GPHN: variants seen among roughly 807,000 people sequenced by gnomAD.
The protein encoded by GPHN is gephyrin.
In GPHN, 17 loss-of-function variants were observed where a neutral mutation model predicts 95.5. The ratio of observed to expected loss-of-function variants is 0.18; its 90% CI spans 0.12 to 0.27. GPHN has a LOEUF of 0.27. GPHN is among the 10% of genes least tolerant of loss of function. The pLI is 1.00. For missense variants in GPHN, 660 were observed against 978.1 expected (o/e 0.67, Z 4.34); for synonymous variants, 320 against 322.5 (o/e 0.99, Z 0.08).
At chr14:66,908,317 A>T (rs1463698845) in intron 5 of GPHN, among the ~76,000 whole-genome samples, 2 of 151,964 alleles carry the variant, frequency 1.3e-5, no homozygotes, top group African/African-American at 4.8e-5. Context: ...GGTATATATT[A>T]AAGGGGCATA....
downstream of GPHN, among the ~76,000 whole-genome samples, chr14:67,185,583 T>C (rs1382561679): frequency 6.6e-6 from 1 of 152,248 alleles, no homozygotes; most frequent in African/African-American, 2.4e-5. Flanking sequence ...CATTTATAGC[T>C]GTGTAAAAAA....
At chr14:67,301,298 T>TA in the GPHN span, 1 of 603,872 alleles carries the variant, frequency 1.7e-6, no homozygotes, top group Admixed American at 3.3e-5. Context: ...TTTATTATTT[T>TA]AATTTGTACT....
the GPHN span, chr14:67,583,678 AG>A: frequency 7.7e-7 from 1 of 1,295,924 alleles, no homozygotes; most frequent in Middle Eastern, 1.9e-4. Context: ...ACCTCTCAAC[AG>A]CCCCCACCTG....
chr14:66,900,080 C>T (rs1351802814), intron 5 of GPHN, among the ~76,000 whole-genome samples: 1 of 151,878 alleles, frequency 6.6e-6, no homozygotes, highest in African/African-American at 2.4e-5. Flanking sequence ...GTTATTTTCT[C>T]GTCTTGAGAG....
At chr14:67,612,462 C>T in the GPHN span, among the ~76,000 whole-genome samples, 1 of 152,106 alleles carries the variant, frequency 6.6e-6, no homozygotes, top group Admixed American at 6.5e-5. Context: ...AAGGAGCTTC[C>T]GGTTCTGGTT....
chr14:66,940,744 AGGGC>A (rs1005654352), intron 8 of GPHN, among the ~76,000 whole-genome samples: 2 of 152,052 alleles, frequency 1.3e-5, no homozygotes, highest in African/African-American at 4.8e-5. Flanking sequence ...GTTCTTTCCT[AGGGC>A]GTTGACCCAT....
the GPHN span, among the ~76,000 whole-genome samples, chr14:67,272,852 A>G: frequency 9.9e-5 from 15 of 152,068 alleles, no homozygotes; most frequent in African/African-American, 3.6e-4. Flanking sequence ...ATGTTTTTGT[A>G]GAGATGGGGT....
At chr14:67,465,969 C>T in the GPHN span, among the ~76,000 whole-genome samples, 1 of 152,264 alleles carries the variant, frequency 6.6e-6, no homozygotes, top group South Asian at 2.1e-4. Flanking sequence ...AGAGGCAAGG[C>T]CAGATCCTCC....
At chr14:67,453,088 C>G in the GPHN span, among the ~76,000 whole-genome samples, 1 of 152,228 alleles carries the variant, frequency 6.6e-6, no homozygotes, top group Non-Finnish European at 1.5e-5. Flanking sequence ...AGTACTGTCA[C>G]AGTGACATGT....
chr14:67,637,984 C>T, the GPHN span, among the ~76,000 whole-genome samples: 12 of 152,102 alleles, frequency 7.9e-5, no homozygotes, highest in African/African-American at 2.7e-4. Context: ...CTTCCTCTCC[C>T]GCTGCCTTGA....
the GPHN span, chr14:67,571,911 A>C: frequency 2.5e-6 from 4 of 1,602,582 alleles, no homozygotes; most frequent in African/African-American, 5.4e-5. Context: ...AGGTACAGAG[A>C]AGGGGAGCAG....
chr14:67,422,699 A>C, the GPHN span, among the ~76,000 whole-genome samples: 1 of 152,234 alleles, frequency 6.6e-6, no homozygotes, highest in African/African-American at 2.4e-5. Flanking sequence ...TCGGGCTGCA[A>C]GTAACTGAAA....
At chr14:67,284,547 T>TAA in the GPHN span, among the ~76,000 whole-genome samples, 159 of 23,284 alleles carry the variant, frequency 6.8e-3, 45 homozygotes, top group Non-Finnish European at 0.011. Flanking sequence ...GCTGCAGTGC[T>TAA]AAAAAAAAAA....
At chr14:67,562,740 C>A in the GPHN span, 1 of 1,613,722 alleles carries the variant, frequency 6.2e-7, no homozygotes, top group Non-Finnish European at 8.5e-7. Context: ...CGAGCTAGGT[C>A]CCGGGAGGAA....
At chr14:67,569,230 G>A in the GPHN span, 3 of 1,578,472 alleles carry the variant, frequency 1.9e-6, no homozygotes, top group Non-Finnish European at 2.6e-6. Flanking sequence ...AGTTCCAAGT[G>A]AGGCTTGGAG....
At chr14:67,587,074 A>G in the GPHN span, 2 of 1,598,224 alleles carry the variant, frequency 1.3e-6, no homozygotes, top group Non-Finnish European at 1.7e-6. Context: ...CTCCTCTTAG[A>G]TTGCAGAAGC....
chr14:67,420,791 C>G, the GPHN span, among the ~76,000 whole-genome samples: 1 of 152,254 alleles, frequency 6.6e-6, no homozygotes, highest in African/African-American at 2.4e-5. Context: ...AGGGTGAAGG[C>G]AAATCATCTC....
chr14:67,328,566 G>A, the GPHN span, among the ~76,000 whole-genome samples: 1 of 152,272 alleles, frequency 6.6e-6, no homozygotes, highest in Admixed American at 6.5e-5. Flanking sequence ...CCTATGTCCT[G>A]AATGGTATTG....
intron 9 of GPHN, among the ~76,000 whole-genome samples, chr14:67,004,896 T>C (rs2072496470): frequency 6.6e-6 from 1 of 151,730 alleles, no homozygotes; most frequent in Non-Finnish European, 1.5e-5. Flanking sequence ...ATGACATTAC[T>C]CTTTATAAAC....
Sources: allele counts gnomAD v4.1 joint callset (sites outside exome capture counted in the v4.1 genomes callset), GRCh38; gene constraint gnomAD v4.1.1; transcripts MANE v1.5; gene names NCBI Gene and HGNC (gene_info 2026-07-23, HGNC 2026-07-21).